Variants in SRRM4 observed in about 807,000 individuals in gnomAD.
SRRM4 encodes serine/arginine repetitive matrix 4.
Under a neutral mutation model 68.9 loss-of-function variants are expected in SRRM4, and 33 were observed. The observed-to-expected ratio is 0.48, with a 90% CI of 0.36 to 0.64. SRRM4 has a LOEUF of 0.64. Ranked by LOEUF, SRRM4 falls within the 30% of genes least tolerant of loss-of-function variation. The pLI, the probability that SRRM4 is intolerant of heterozygous loss-of-function variation, is 0.00. For synonymous variants in SRRM4, 318 were observed against 318.8 expected (o/e 1.00, Z 0.03); for missense variants, 817 against 827.1 (o/e 0.99, Z 0.15).
At position 119,078,838 on chromosome 12, in the gene SRRM4, G is replaced by A. The variant is rs76305584; in HGVS notation, c.132-23398G>A. Among the ~76,000 whole-genome samples the A allele has an allele frequency of 1.9e-4, 29 of 152,298 alleles. No homozygotes were observed. The South Asian group carries it at 3.3e-3, about 17-fold the overall frequency. On this transcript the variant is annotated intron_variant, in intron 1 of 12. Coordinates refer to ENST00000267260, the MANE Select transcript of SRRM4 (RefSeq NM_194286.4). ...CCAGCTACTCTGGAGGCTGAGGCAGGAGGATCACTCAAGCCCAGGAATTTA... is the reference window on the plus strand; with the variant it reads ...CCAGCTACTCTGGAGGCTGAGGCAGAAGGATCACTCAAGCCCAGGAATTTA...
chr12:119,149,097 C>A (rs1357521311), intron 9 of SRRM4, among the ~76,000 whole-genome samples: 1 of 152,166 alleles, frequency 6.6e-6, no homozygotes, highest in Non-Finnish European at 1.5e-5. Context: ...TGCCTGTAAT[C>A]CCAGCACTTT....
At chr12:118,991,440 T>C (rs1953316319) in intron 1 of SRRM4, among the ~76,000 whole-genome samples, 2 of 152,212 alleles carry the variant, frequency 1.3e-5, no homozygotes, top group Admixed American at 6.5e-5. Context: ...ATTACTTTCT[T>C]ATCACTGTTT....
At chr12:119,082,605 G>A (rs1049905743) in intron 1 of SRRM4, among the ~76,000 whole-genome samples, 1 of 152,230 alleles carries the variant, frequency 6.6e-6, no homozygotes, top group Non-Finnish European at 1.5e-5. Context: ...CGCGGGCGCT[G>A]TGATGAGATG....
chr12:119,132,177 C>A (rs1240163827), intron 8 of SRRM4: 2 of 152,198 alleles, frequency 1.3e-5, no homozygotes, highest in Non-Finnish European at 2.9e-5. Flanking sequence ...AAATGCCCAT[C>A]TGCGTACTCT....
intron 8 of SRRM4, among the ~76,000 whole-genome samples, chr12:119,139,713 G>C (rs996985223): frequency 6.6e-6 from 1 of 152,120 alleles, no homozygotes; most frequent in Admixed American, 6.5e-5. Flanking sequence ...CCAGCATGGA[G>C]AGCAACTGGC....
At chr12:119,103,718 T>G (rs1051911021) in intron 2 of SRRM4, among the ~76,000 whole-genome samples, 1 of 152,162 alleles carries the variant, frequency 6.6e-6, no homozygotes, top group Non-Finnish European at 1.5e-5. Context: ...TTTTAAAACA[T>G]TGGGCCAGGC....
At chr12:119,117,609 C>T (rs1329784324) in intron 4 of SRRM4, among the ~76,000 whole-genome samples, 2 of 152,078 alleles carry the variant, frequency 1.3e-5, no homozygotes, top group Non-Finnish European at 2.9e-5. Flanking sequence ...CACACACACA[C>T]ACACACGTGT....
intron 1 of SRRM4, among the ~76,000 whole-genome samples, chr12:119,068,363 C>A (rs1953858659): frequency 6.6e-6 from 1 of 152,280 alleles, no homozygotes; most frequent in South Asian, 2.1e-4. Context: ...ACTATTGTGA[C>A]CCAGCCTGGG....
chr12:119,081,535 C>T (rs1002395328), intron 1 of SRRM4, among the ~76,000 whole-genome samples: 1 of 152,150 alleles, frequency 6.6e-6, no homozygotes, highest in African/African-American at 2.4e-5. Context: ...AGAGTGGTAA[C>T]AGGGGCCGGA....
intron 5 of SRRM4, among the ~76,000 whole-genome samples, chr12:119,121,206 C>T (rs958262812): frequency 6.6e-6 from 1 of 152,162 alleles, no homozygotes; most frequent in African/African-American, 2.4e-5. Context: ...GGGTGAGTCT[C>T]AACATGAAGA....
intron 1 of SRRM4, among the ~76,000 whole-genome samples, chr12:119,019,320 C>T (rs982836024): frequency 1.2e-4 from 18 of 152,290 alleles, no homozygotes; most frequent in African/African-American, 3.8e-4. Flanking sequence ...AACCATCCCC[C>T]GGGTTGAAAT....
chr12:119,075,916 G>GGTGATGATA (rs199880492), intron 1 of SRRM4, among the ~76,000 whole-genome samples: 3 of 21,900 alleles, frequency 1.4e-4, no homozygotes, highest in East Asian at 1.1e-3. Flanking sequence ...TGGTGATGAT[G>GGTGATGATA]ATGATGATGG....
At chr12:119,133,534 T>C (rs1230484780) in intron 8 of SRRM4, among the ~76,000 whole-genome samples, 1 of 152,238 alleles carries the variant, frequency 6.6e-6, no homozygotes, top group East Asian at 1.9e-4. Flanking sequence ...GCCTGGCTCC[T>C]GGAAGAATCA....
chr12:119,139,988 T>C (rs1565917681), intron 8 of SRRM4, among the ~76,000 whole-genome samples: 1 of 152,228 alleles, frequency 6.6e-6, no homozygotes, highest in Non-Finnish European at 1.5e-5. Flanking sequence ...ATCAGGGTAA[T>C]TGTGCATCCA....
At position 119,160,872 on chromosome 12, in the gene SRRM4, T is replaced by C. The variant is rs1168558428; in HGVS notation, c.*4074T>C. 1 of 152,242 alleles carries C rather than the reference T, an allele frequency of 6.6e-6. No individual in the cohort carries two copies. Among genetic ancestry groups the C allele is most frequent in the Non-Finnish European group, 1.5e-5 (1 of 68,046 alleles). The allele number at this position is 152,242 out of a possible 1,614,324, so 9.4% of individuals were successfully genotyped here. ...CTTCAGTTAATTAGGCAAGGCTAAG[T>C]AACTCAAAGCCCCCTATTAGTAACA... is the stretch of plus-strand genomic sequence containing the variant. On this transcript the variant is annotated 3_prime_UTR_variant, in exon 13 of 13. Coordinates refer to ENST00000267260, the MANE Select transcript of SRRM4 (RefSeq NM_194286.4).
intron 1 of SRRM4, among the ~76,000 whole-genome samples, chr12:119,077,990 C>A (rs1953926464): frequency 6.6e-6 from 1 of 152,164 alleles, no homozygotes; most frequent in Admixed American, 6.5e-5. Context: ...AAATCCTAGC[C>A]TCAACTATGC....
intron 1 of SRRM4, among the ~76,000 whole-genome samples, chr12:119,053,603 T>A (rs767662220): frequency 3.8e-4 from 58 of 152,224 alleles, no homozygotes; most frequent in Non-Finnish European, 7.6e-4. Flanking sequence ...AATAATTATA[T>A]AAAGCACATA....
At chr12:119,140,650 AG>A (rs1373276704) in intron 8 of SRRM4, among the ~76,000 whole-genome samples, 3 of 152,346 alleles carry the variant, frequency 2.0e-5, no homozygotes, top group African/African-American at 7.2e-5. Context: ...GAGCTCCCAT[AG>A]TAGCAGAGAG....
chr12:119,104,840 T>C (rs950276122), intron 2 of SRRM4, among the ~76,000 whole-genome samples: 1 of 152,102 alleles, frequency 6.6e-6, no homozygotes, highest in Non-Finnish European at 1.5e-5. Context: ...TTTGTTATAC[T>C]TCAAGTTCTA....
Sources: allele counts gnomAD v4.1 joint callset (sites outside exome capture counted in the v4.1 genomes callset), GRCh38; gene constraint gnomAD v4.1.1; transcripts MANE v1.5; gene names NCBI Gene and HGNC (gene_info 2026-07-23, HGNC 2026-07-21).